The following KIF6 variants were observed in gnomAD, a reference collection of about 807,000 sequenced individuals.
KIF6 encodes kinesin family member 6, also known as kinesin-like protein KIF6.
Under a neutral mutation model 112.7 loss-of-function variants are expected in KIF6, and 106 were observed. That is an observed-to-expected ratio of 0.94 (90% CI 0.80 to 1.11). The LOEUF is 1.11. Among genes scored for constraint, KIF6 ranks in the 50% least tolerant of loss-of-function variants. The probability of loss-of-function intolerance (pLI) is 0.00; values close to 1 mark genes in which losing one functional copy is unlikely to be tolerated. For missense variants in KIF6, 929 were observed against 964.0 expected (o/e 0.96, Z 0.48); for synonymous variants, 339 against 339.9 (o/e 1.00, Z 0.03).
intron 13 of KIF6, among the ~76,000 whole-genome samples, chr6:39,503,811 T>C (rs1776273578): frequency 6.7e-6 from 1 of 148,250 alleles, no homozygotes; most frequent in South Asian, 2.1e-4. Context: ...CAATAACAAG[T>C]TCTGCAACAG....
chr6:39,429,354 C>T (rs1476084742), intron 14 of KIF6, among the ~76,000 whole-genome samples: 1 of 152,094 alleles, frequency 6.6e-6, no homozygotes, highest in Non-Finnish European at 1.5e-5. Context: ...CTTTAATTTT[C>T]TCTCTCTTCT....
intron 13 of KIF6, among the ~76,000 whole-genome samples, chr6:39,504,526 G>C (rs1176528419): frequency 2.0e-5 from 3 of 152,122 alleles, no homozygotes; most frequent in Non-Finnish European, 4.4e-5. Flanking sequence ...AATAAGTAAA[G>C]GATATTCAAA....
intron 16 of KIF6, among the ~76,000 whole-genome samples, chr6:39,380,249 T>A (rs908017221): frequency 6.6e-6 from 1 of 152,214 alleles, no homozygotes; most frequent in Admixed American, 6.5e-5. Context: ...AGCCCTCCTA[T>A]AAGCCCTGAT....
intron 3 of KIF6, among the ~76,000 whole-genome samples, chr6:39,703,025 T>G (rs1371668619): frequency 9.1e-6 from 1 of 109,596 alleles, no homozygotes; most frequent in African/African-American, 3.2e-5. Flanking sequence ...ATTTCCCAAC[T>G]CCACCCCACC....
rs1778446569 is a variant in KIF6, at chr6:39,536,658, C to T, written c.1645+3345G>A. 3.3e-5 allele frequency among the ~76,000 whole-genome samples: 5 copies of T among 151,900 alleles called. No homozygotes were observed. The South Asian group carries it at 1.0e-3, about 32-fold the overall frequency. ...GGTACAAGGAGTAACTGGTACCATT[C>T]CTTCTGAAACTATTCCAATCAATAG... On this transcript the variant is annotated intron_variant, in intron 13 of 22. Transcript: ENST00000287152.
intron 5 of KIF6, among the ~76,000 whole-genome samples, chr6:39,632,898 G>A (rs1188980127): frequency 1.3e-5 from 2 of 152,002 alleles, no homozygotes; most frequent in Admixed American, 1.3e-4. Flanking sequence ...GGGATTACAG[G>A]CATGAGCCAC....
At chr6:39,713,414 G>A (rs756179165) in intron 3 of KIF6, among the ~76,000 whole-genome samples, 5 of 152,212 alleles carry the variant, frequency 3.3e-5, no homozygotes, top group Non-Finnish European at 5.9e-5. Context: ...CAGGGTTTAG[G>A]AGAGGAACTG....
chr6:39,577,907 C>T (rs1047100787), intron 10 of KIF6, 149 bp downstream of exon 10: 22 of 564,556 alleles, frequency 3.9e-5, no homozygotes, highest in East Asian at 1.4e-4. Flanking sequence ...CATGGAAAGC[C>T]GCCACTCTTA....
intron 13 of KIF6, among the ~76,000 whole-genome samples, chr6:39,536,080 T>C (rs1444462972): frequency 6.6e-6 from 1 of 151,520 alleles, no homozygotes; most frequent in African/African-American, 2.4e-5. Flanking sequence ...AGAGGGAAAT[T>C]TATAGCACTA....
intron 10 of KIF6, among the ~76,000 whole-genome samples, chr6:39,547,919 T>C (rs183014120): frequency 6.6e-6 from 1 of 152,330 alleles, no homozygotes; most frequent in East Asian, 1.9e-4. Context: ...GAGACCTTGA[T>C]CTACAAACCT....
chr6:39,636,788 T>A (rs1228153881), intron 4 of KIF6, among the ~76,000 whole-genome samples: 1 of 152,028 alleles, frequency 6.6e-6, no homozygotes, highest in Non-Finnish European at 1.5e-5. Context: ...GAGATTATGA[T>A]TTGAGAGTTT....
chr6:39,666,835 G>C (rs1024870562), intron 3 of KIF6, among the ~76,000 whole-genome samples: 2 of 152,192 alleles, frequency 1.3e-5, no homozygotes, highest in Admixed American at 1.3e-4. Flanking sequence ...ACTCGTATTT[G>C]AAGGGGGATT....
At chr6:39,362,878 G>C (rs1765269250) in intron 16 of KIF6, among the ~76,000 whole-genome samples, 1 of 152,218 alleles carries the variant, frequency 6.6e-6, no homozygotes, top group African/African-American at 2.4e-5. Context: ...GCCAGGCACA[G>C]TGGCTCACGC....
intron 19 of KIF6, among the ~76,000 whole-genome samples, chr6:39,349,937 C>A (rs11752599): frequency 6.6e-6 from 1 of 151,920 alleles, no homozygotes; most frequent in Non-Finnish European, 1.5e-5. Context: ...GAGCCATCAT[C>A]CCTGGCCTAA....
At chr6:39,549,537 C>T (rs753468429) in intron 10 of KIF6, among the ~76,000 whole-genome samples, 1 of 152,136 alleles carries the variant, frequency 6.6e-6, no homozygotes, top group Non-Finnish European at 1.5e-5. Context: ...CAATACTTAC[C>T]ATACTATAAC....
In KIF6 at chr6:39,330,303, T is replaced by C. The variant is rs936808785; in HGVS notation, c.*6229A>G. 1.3e-5 allele frequency: 2 copies of C among 152,334 alleles called. No homozygotes were observed. Among genetic ancestry groups the C allele is most frequent in the Non-Finnish European group, 2.9e-5 (2 of 68,138 alleles). The allele number at this position is 152,334 out of a possible 1,614,324, so 9.4% of individuals were successfully genotyped here. A position where few individuals can be genotyped will look rare whatever the true frequency, so the allele number is the denominator to read the frequency against. ...GAAGAAAAGGGAACTGAGACCCACA[T>C]GAGGCCTGGACTATGTTAGGGGTGG... On this transcript the variant is annotated 3_prime_UTR_variant, in exon 23 of 23. Transcript: ENST00000287152.
chr6:39,435,365 G>C (rs1771448998), intron 13 of KIF6, among the ~76,000 whole-genome samples: 1 of 152,060 alleles, frequency 6.6e-6, no homozygotes, highest in African/African-American at 2.4e-5. Flanking sequence ...GCTCCATGAG[G>C]GCAGGTATTT....
At chr6:39,382,756 A>G (rs1247263819) in intron 16 of KIF6, among the ~76,000 whole-genome samples, 1 of 152,112 alleles carries the variant, frequency 6.6e-6, no homozygotes, top group African/African-American at 2.4e-5. Context: ...TGCTTTCCAG[A>G]GGAGGTGAAA....
intron 4 of KIF6, among the ~76,000 whole-genome samples, chr6:39,637,406 C>T (rs76618860): frequency 0.019 from 2,841 of 152,086 alleles, 85 homozygotes; most frequent in African/African-American, 0.064. Context: ...ATGTTTCCTG[C>T]AGACAGCCTT....
Sources: allele counts gnomAD v4.1 joint callset (sites outside exome capture counted in the v4.1 genomes callset), GRCh38; gene constraint gnomAD v4.1.1; transcripts MANE v1.5; gene names NCBI Gene and HGNC (gene_info 2026-07-23, HGNC 2026-07-21).